The following PRPF6 variants were observed in gnomAD, a reference collection of about 807,000 sequenced individuals.
PRPF6 encodes the protein pre-mRNA-processing factor 6.
In PRPF6, 42 loss-of-function variants were observed where a neutral mutation model predicts 118.3. That is an observed-to-expected ratio of 0.35 (90% confidence interval 0.28 to 0.46). The LOEUF (loss-of-function observed/expected upper bound fraction) is 0.46, where lower values mean the gene tolerates loss of function less well. Among genes scored for constraint, PRPF6 ranks in the 20% least tolerant of loss-of-function variants. The pLI is 1.00. For missense variants in PRPF6, 662 were observed against 1,255.7 expected, an observed-to-expected ratio of 0.53 and a Z score of 7.15; for synonymous variants, 481 against 485.1, an observed-to-expected ratio of 0.99 and a Z score of 0.11.
intron 3 of PRPF6, among the ~76,000 whole-genome samples, chr20:63,986,694 T>G (rs2059095338): frequency 6.6e-6 from 1 of 151,532 alleles, no homozygotes; most frequent in Non-Finnish European, 1.5e-5. Flanking sequence ...TTCACTGTGT[T>G]AGCCAGGATG....
At chr20:63,990,525 C>T (rs147920862) in intron 3 of PRPF6, among the ~76,000 whole-genome samples, 243 of 151,756 alleles carry the variant, frequency 1.6e-3, no homozygotes, top group African/African-American at 5.2e-3. Context: ...GGGTGGAGCG[C>T]GGTGGCTTGA....
chr20:64,013,845 A>C (rs2059226171), intron 11 of PRPF6, among the ~76,000 whole-genome samples: 1 of 152,170 alleles, frequency 6.6e-6, no homozygotes, highest in Non-Finnish European at 1.5e-5. Context: ...CTATCACCAC[A>C]ATCCTAGAAC....
chr20:63,993,402 C>T lies in PRPF6; in HGVS notation c.360-5C>T. 6.2e-7 allele frequency: 1 copy of T among 1,608,266 alleles called. No homozygotes were observed. The highest frequency in any genetic ancestry group is 1.1e-5 in the South Asian group (1 of 90,946). The stretch of plus-strand genomic sequence containing the variant: ...TTTCTGATGTGTGCATGTTTTATTT[C>T]CTAGGGAGCAAAGGGAGAAAGAAGA... On this transcript the variant is annotated splice_region_variant and splice_polypyrimidine_tract_variant and intron_variant, in intron 3 of 20. Coordinates refer to ENST00000266079, the MANE Select transcript of PRPF6 (RefSeq NM_012469.4).
intron 12 of PRPF6, among the ~76,000 whole-genome samples, chr20:64,020,697 A>G (rs74450539): frequency 0.021 from 3,134 of 151,878 alleles, 113 homozygotes; most frequent in African/African-American, 0.068. Context: ...TGTTGAGTGG[A>G]TGGGTTTTTT....
intron 3 of PRPF6, among the ~76,000 whole-genome samples, chr20:63,985,615 G>C (rs2059089724): frequency 6.6e-6 from 1 of 152,160 alleles, no homozygotes; most frequent in South Asian, 2.1e-4. Flanking sequence ...GAAATGAAAA[G>C]GGCCTACTGA....
In PRPF6 at chr20:64,029,578, T is replaced by C; in HGVS notation, c.2546+87T>C. 8.3e-7 allele frequency: 1 copy of C among 1,202,950 alleles called. No individual in the cohort carries two copies. The highest frequency in any genetic ancestry group is 1.2e-6 in the Non-Finnish European group (1 of 818,436). The allele number at this position is 1,202,950 out of a possible 1,614,324, so 74.5% of individuals were successfully genotyped here. A position where few individuals can be genotyped will look rare whatever the true frequency, so the allele number is the denominator to read the frequency against. ...TCTGTCTGCCTCTTCCTGGTCATTG[T>C]AAAGATGCCCGGCAGCAGGGTGGGC... On this transcript the variant is annotated intron_variant, in intron 19 of 20. Transcript: ENST00000266079. The surrounding 1 kb of genome is among the most constrained non-coding windows in gnomAD (Gnocchi z 4.8).
rs561297302 is a variant in PRPF6, at chr20:64,020,851, A to G, written c.1648-1906A>G. On this transcript the variant is annotated intron_variant, in intron 12 of 20. Coordinates refer to ENST00000266079, the MANE Select transcript of PRPF6 (RefSeq NM_012469.4). ...GCCCAGGCTGGAGCGCAATGGCGCAATCTTGGCACCCTGCAACCTCCGCCT... is the reference window on the plus strand; with the variant it reads ...GCCCAGGCTGGAGCGCAATGGCGCAGTCTTGGCACCCTGCAACCTCCGCCT... Among the ~76,000 whole-genome samples the G allele has an allele frequency of 1.5e-4, 23 of 151,554 alleles. No individual in the cohort carries two copies. In the East Asian group the frequency reaches 4.3e-3, roughly 28 times the overall value.
chr20:64,019,645 C>T (rs1280466352), intron 12 of PRPF6, among the ~76,000 whole-genome samples: 1 of 152,202 alleles, frequency 6.6e-6, no homozygotes, highest in African/African-American at 2.4e-5. Context: ...CACCAACCCT[C>T]AGGACTTGGA....
chr20:63,983,314 G>A, intron 2 of PRPF6, 99 bp downstream of exon 2: 1 of 1,452,490 alleles, frequency 6.9e-7, no homozygotes, highest in South Asian at 1.1e-5. Flanking sequence ...GCTTGGAGTG[G>A]CTCATGCATT....
intron 9 of PRPF6, among the ~76,000 whole-genome samples, chr20:64,002,013 G>GTT (rs2059168567): frequency 4.7e-4 from 31 of 65,278 alleles, no homozygotes; most frequent in East Asian, 1.6e-3. Context: ...TTTTTTTTCT[G>GTT]GTTTTTTTTT....
intron 13 of PRPF6, among the ~76,000 whole-genome samples, chr20:64,024,306 C>A (rs147271075): frequency 7.2e-5 from 11 of 152,260 alleles, no homozygotes; most frequent in African/African-American, 2.4e-4. Context: ...TTGTGAAGTT[C>A]GTCTCTCCAG....
chr20:64,009,367 G>C (rs1428680403), intron 9 of PRPF6, among the ~76,000 whole-genome samples: 2 of 150,094 alleles, frequency 1.3e-5, no homozygotes, highest in Admixed American at 1.3e-4. Context: ...TAGATCTTAA[G>C]TGTGCAGTTT....
intron 12 of PRPF6, among the ~76,000 whole-genome samples, chr20:64,018,695 G>A (rs190946602): frequency 1.6e-3 from 242 of 151,784 alleles, no homozygotes; most frequent in African/African-American, 5.5e-3. Flanking sequence ...CGAACTCCTG[G>A]CCTCAAGTGA....
chr20:63,997,164 G>A (rs1009045222), intron 6 of PRPF6, among the ~76,000 whole-genome samples: 5 of 151,700 alleles, frequency 3.3e-5, no homozygotes, highest in African/African-American at 4.9e-5. Context: ...GGCATCCACC[G>A]TTCTCTCTGT....
At chr20:64,002,014 GTT>G (rs386394238) in intron 9 of PRPF6, among the ~76,000 whole-genome samples, 4 of 83,242 alleles carry the variant, frequency 4.8e-5, no homozygotes, top group African/African-American at 1.4e-4. Context: ...TTTTTTTCTG[GTT>G]TTTTTTTTTT....
chr20:63,999,067 AGACCGTCGTT>A lies in PRPF6; in HGVS notation c.799_808del (p.Val267ProfsTer5). On this transcript the variant is annotated frameshift_variant, in exon 7 of 21. Coordinates refer to ENST00000266079, the MANE Select transcript of PRPF6 (RefSeq NM_012469.4). LOFTEE classifies it high-confidence loss of function. ...CAGGTGTCTGACTCCGTGAGTGGAC[AGACCGTCGTT>A]GACCCCAAAGGCTACCTGACGGATT... 1 of 1,613,840 alleles carries A rather than the reference AGACCGTCGTT, an allele frequency of 6.2e-7. No individual in the cohort carries two copies.
Position 63,999,702 on chromosome 20 carries a change from T to A in PRPF6, c.966T>A (p.Thr322=). The change falls in exon 8 of 21, where the codon ACT becomes ACA. Residue 322 remains threonine, a synonymous_variant. Transcript: ENST00000266079. Reference sequence around the variant, plus strand: ...CATCAGCCCGCCTGGAAGAAGTCACTGGGAAGCTACAAGTAGCTCGGAACC... The same window carrying A: ...CATCAGCCCGCCTGGAAGAAGTCACAGGGAAGCTACAAGTAGCTCGGAACC... ...WIASARLEEV[T]GKLQVARNLI... is the part of the protein sequence containing the mutation. The A allele has an allele frequency of 6.2e-7, 1 of 1,614,184 alleles. No homozygotes were observed. The highest frequency in any genetic ancestry group is 8.5e-7 in the Non-Finnish European group (1 of 1,180,038).
chr20:63,997,307 T>G (rs2059144841), intron 6 of PRPF6, among the ~76,000 whole-genome samples: 1 of 150,320 alleles, frequency 6.7e-6, no homozygotes, highest in East Asian at 1.9e-4. Flanking sequence ...TTTTTTTTTT[T>G]TGAGACAGAG....
chr20:64,021,669 C>T (rs1223478661), intron 12 of PRPF6, among the ~76,000 whole-genome samples: 2 of 141,812 alleles, frequency 1.4e-5, no homozygotes, highest in African/African-American at 2.7e-5. Context: ...CAGCCACAGC[C>T]CCGTGTCTGT....
Sources: gnomAD v4.1 joint callset for allele counts (sites outside exome capture counted in the v4.1 genomes callset) on GRCh38, gnomAD v4.1.1 for gene constraint, Gnocchi (gnomAD v3.1) non-coding constraint, MANE v1.5 for transcripts, NCBI Gene and HGNC (gene_info 2026-07-23, HGNC 2026-07-21) for gene names.